Variants in CADM2 observed in about 807,000 individuals in gnomAD.
CADM2 encodes the protein cell adhesion molecule 2, also known as immunoglobulin superfamily member 4D.
A neutral mutation model predicts 49.8 loss-of-function variants in CADM2; 12 were observed. The observed-to-expected ratio is 0.24, with a 90% CI of 0.15 to 0.39. The LOEUF (loss-of-function observed/expected upper bound fraction) is 0.39. Among genes scored for constraint, CADM2 ranks in the 10% least tolerant of loss-of-function variants. The pLI is 1.00. For missense variants in CADM2, 378 were observed against 492.3 expected (o/e 0.77, Z 2.20); for synonymous variants, 214 against 175.4 (o/e 1.22, Z -1.74).
chr3:85,498,562 T>C (rs955315688), intron 1 of CADM2, among the ~76,000 whole-genome samples: 2 of 152,154 alleles, frequency 1.3e-5, no homozygotes, highest in African/African-American at 2.4e-5. Context: ...TGCTGTGAGG[T>C]TGAAAACCGA....
chr3:85,624,262 G>A (rs2064058185), intron 1 of CADM2, among the ~76,000 whole-genome samples: 2 of 152,040 alleles, frequency 1.3e-5, no homozygotes, highest in South Asian at 2.1e-4. Flanking sequence ...ATAATATCTA[G>A]CCAGACTATT....
At chr3:85,670,436 A>G (rs1171139384) in intron 1 of CADM2, among the ~76,000 whole-genome samples, 2 of 152,132 alleles carry the variant, frequency 1.3e-5, no homozygotes, top group Non-Finnish European at 2.9e-5. Flanking sequence ...GCCTTACTCA[A>G]TAGTCATTAA....
chr3:85,646,652 T>TA (rs1428004112), intron 1 of CADM2, among the ~76,000 whole-genome samples: 2 of 151,942 alleles, frequency 1.3e-5, no homozygotes, highest in African/African-American at 4.8e-5. Flanking sequence ...AATGACATTT[T>TA]AGGCACGATG....
chr3:85,929,946 C>G (rs1052673589), intron 6 of CADM2, among the ~76,000 whole-genome samples: 2 of 151,924 alleles, frequency 1.3e-5, no homozygotes, highest in Non-Finnish European at 2.9e-5. Flanking sequence ...ACCAAAATTA[C>G]TTCCTGCTAT....
chr3:85,517,039 T>A (rs1184198925), intron 1 of CADM2, among the ~76,000 whole-genome samples: 1 of 151,958 alleles, frequency 6.6e-6, no homozygotes, highest in Non-Finnish European at 1.5e-5. Flanking sequence ...GTATATAGTA[T>A]ACAGTATAAA....
At chr3:85,876,359 A>T (rs2108368274) in intron 3 of CADM2, among the ~76,000 whole-genome samples, 1 of 152,280 alleles carries the variant, frequency 6.6e-6, no homozygotes. Context: ...ACAGTTATAG[A>T]ATATTATATG....
intron 3 of CADM2, among the ~76,000 whole-genome samples, chr3:85,864,918 A>G (rs2075669551): frequency 6.6e-6 from 1 of 151,916 alleles, no homozygotes; most frequent in Non-Finnish European, 1.5e-5. Context: ...CTCACTTCCC[A>G]TCTCTGTATT....
intron 1 of CADM2, among the ~76,000 whole-genome samples, chr3:85,380,106 C>T (rs775562204): frequency 5.3e-5 from 8 of 151,876 alleles, no homozygotes; most frequent in Admixed American, 1.3e-4. Flanking sequence ...TCTTGGTTAT[C>T]GCATGCATAT....
chr3:86,035,809 G>A (rs1735085705), intron 8 of CADM2, among the ~76,000 whole-genome samples: 1 of 152,034 alleles, frequency 6.6e-6, no homozygotes, highest in South Asian at 2.1e-4. Context: ...AATAAAATAT[G>A]ATATACTGGT....
intron 1 of CADM2, among the ~76,000 whole-genome samples, chr3:85,397,639 A>G (rs1400014830): frequency 2.6e-5 from 4 of 152,224 alleles, no homozygotes; most frequent in Non-Finnish European, 5.9e-5. Flanking sequence ...TGCAAAGACA[A>G]ATATTGTATG....
intron 1 of CADM2, among the ~76,000 whole-genome samples, chr3:85,417,786 G>T (rs143783241): frequency 1.7e-3 from 264 of 152,210 alleles, no homozygotes; most frequent in Non-Finnish European, 2.5e-3. Flanking sequence ...TATTCTATAA[G>T]TACAAGGCCA....
chr3:85,107,357 TCAC>T (rs2038270323), intron 1 of CADM2, among the ~76,000 whole-genome samples: 1 of 152,026 alleles, frequency 6.6e-6, no homozygotes, highest in South Asian at 2.1e-4. Flanking sequence ...AAAAGGATGG[TCAC>T]CATCACCAGT....
chr3:85,622,856 G>A (rs1008852792), intron 1 of CADM2, among the ~76,000 whole-genome samples: 1 of 152,108 alleles, frequency 6.6e-6, no homozygotes, highest in African/African-American at 2.4e-5. Flanking sequence ...CTCATGAAGT[G>A]TCTGCAAATT....
intron 1 of CADM2, among the ~76,000 whole-genome samples, chr3:84,974,664 A>G (rs2031694589): frequency 1.3e-5 from 2 of 151,942 alleles, no homozygotes; most frequent in Non-Finnish European, 2.9e-5. Context: ...TAGTGGTATT[A>G]TGTTTTACTA....
intron 6 of CADM2, among the ~76,000 whole-genome samples, chr3:85,931,755 A>C (rs1449074402): frequency 6.6e-6 from 1 of 152,116 alleles, no homozygotes; most frequent in African/African-American, 2.4e-5. Context: ...CACATTTATT[A>C]AAGAACTTGA....
chr3:85,720,841 G>A (rs1276410686), intron 1 of CADM2, among the ~76,000 whole-genome samples: 3 of 152,152 alleles, frequency 2.0e-5, no homozygotes, highest in Non-Finnish European at 4.4e-5. Flanking sequence ...TTTAATTTCT[G>A]TGTCTTAAAA....
chr3:85,797,661 G>T (rs1194343651), intron 2 of CADM2, among the ~76,000 whole-genome samples: 1 of 152,118 alleles, frequency 6.6e-6, no homozygotes, highest in Non-Finnish European at 1.5e-5. Context: ...GTCTAACATT[G>T]GTGGGCATTT....
At chr3:85,121,807 T>G (rs1246545709) in intron 1 of CADM2, among the ~76,000 whole-genome samples, 1 of 152,190 alleles carries the variant, frequency 6.6e-6, no homozygotes, top group African/African-American at 2.4e-5. Context: ...TACTCAATCA[T>G]ATTTTTATTA....
chr3:85,740,937 C>G (rs937552830), intron 2 of CADM2, among the ~76,000 whole-genome samples: 2 of 152,184 alleles, frequency 1.3e-5, no homozygotes, highest in African/African-American at 4.8e-5. Flanking sequence ...GCAGCTTTAT[C>G]CAGAATAGTC....
Sources: gnomAD v4.1 joint callset for allele counts (sites outside exome capture counted in the v4.1 genomes callset) on GRCh38, gnomAD v4.1.1 for gene constraint, MANE v1.5 for transcripts, NCBI Gene and HGNC (gene_info 2026-07-23, HGNC 2026-07-21) for gene names.